SNF8: variants seen among roughly 807,000 people sequenced by gnomAD.
SNF8 encodes the protein SNF8 subunit of ESCRT-II.
In SNF8, 19 loss-of-function variants were observed where a neutral mutation model predicts 36.8. The observed-to-expected ratio is 0.52, with a 90% CI of 0.36 to 0.76. SNF8 has a LOEUF of 0.76. SNF8 is among the 30% of genes least tolerant of loss of function. The probability of loss-of-function intolerance (pLI) is 0.00; values close to 1 mark genes in which losing one functional copy is unlikely to be tolerated. For missense variants in SNF8, 268 were observed against 322.9 expected (o/e 0.83, Z 1.30); for synonymous variants, 127 against 127.4 (o/e 1.00, Z 0.02).
intron 6 of SNF8, 32 bp downstream of exon 6, chr17:48,933,173 G>GCA (rs111817490): frequency 5.4e-5 from 86 of 1,602,064 alleles, no homozygotes; most frequent in Middle Eastern, 4.2e-4. Flanking sequence ...ACTGTCCCTT[G>GCA]CACACACACA....
chr17:48,929,628 T>A lies in SNF8; in HGVS notation c.*847A>T, dbSNP rs1289707120. 1 of 152,224 alleles carries A rather than the reference T, an allele frequency of 6.6e-6. No individual in the cohort carries two copies. The allele number at this position is 152,224 out of a possible 1,614,324, so 9.4% of individuals were successfully genotyped here. On this transcript the variant is annotated 3_prime_UTR_variant, in exon 8 of 8. Transcript: ENST00000502492. Reference sequence around the variant, plus strand: ...CTACACACAGTATGTGCTGCCATTCTGTACTATGCAGTGATACATGAAGGC... The same window carrying A: ...CTACACACAGTATGTGCTGCCATTCAGTACTATGCAGTGATACATGAAGGC...
intron 2 of SNF8, 30 bp downstream of exon 2, chr17:48,943,895 T>A (rs753292316): frequency 1.2e-6 from 2 of 1,609,846 alleles, no homozygotes; most frequent in Non-Finnish European, 8.5e-7. Flanking sequence ...TAGGTCTCCC[T>A]CCCTGCCTGG....
chr17:48,930,550 G>A lies in SNF8; in HGVS notation c.702C>T (p.Tyr234=). ...GGTCAGTGAAGAGAGCTGGCAGCCA[G>A]TAGTGGGCCTCCCCTGGGGCCTGTA... The part of the protein sequence containing the change: ...LDLQAPGEAH[Y]WLPALFTDLY... Residue 234 remains tyrosine, a synonymous_variant, in exon 8 of 8, where the codon TAC becomes TAT. Coordinates refer to ENST00000502492, the MANE Select transcript of SNF8 (RefSeq NM_007241.4). 1 of 1,613,572 alleles carries A rather than the reference G, an allele frequency of 6.2e-7. No homozygotes were observed. The highest frequency in any genetic ancestry group is 8.5e-7 in the Non-Finnish European group (1 of 1,179,990).
At chr17:48,932,461 AC>A (rs1298653105) in intron 6 of SNF8, 5 of 152,162 alleles carry the variant, frequency 3.3e-5, no homozygotes, top group African/African-American at 1.2e-4. Context: ...CATAAAGGAA[AC>A]TGGGCCGGGT....
chr17:48,942,950 C>CT (rs2041052074), intron 2 of SNF8, among the ~76,000 whole-genome samples: 1 of 147,372 alleles, frequency 6.8e-6, no homozygotes, highest in Non-Finnish European at 1.5e-5. Flanking sequence ...ACTGCAACCT[C>CT]TGTCTCCTGG....
rs1410165134 is a variant in SNF8 at position 48,933,280 on chromosome 17, C to T, written c.489G>A (p.Val163=). 2 of 1,614,156 alleles carry T rather than the reference C, an allele frequency of 1.2e-6. No individual in the cohort carries two copies. Among genetic ancestry groups the T allele is most frequent in the Non-Finnish European group, 8.5e-7 (1 of 1,180,030 alleles). ...ALGTGFGIIP[V]GGTYLIQSVP... ...CAGACTGAATGAGGTAAGTGCCGCC[C>T]ACAGGGATGATGCCGAAGCCAGTGC... is the stretch of plus-strand genomic sequence containing the variant. Residue 163 remains valine (V), a synonymous_variant, in exon 6 of 8, where the codon GTG becomes GTA. Coordinates refer to ENST00000502492, the MANE Select transcript of SNF8 (RefSeq NM_007241.4).
At chr17:48,939,458 CT>C (rs528890224) in intron 3 of SNF8, among the ~76,000 whole-genome samples, 386 of 132,652 alleles carry the variant, frequency 2.9e-3, no homozygotes, top group African/African-American at 7.6e-3. Flanking sequence ...TTAGTAATTT[CT>C]TTTTTTTTTT....
intron 3 of SNF8, 92 bp from the exon 4 acceptor site, chr17:48,937,216 A>T: frequency 1.0e-6 from 1 of 976,872 alleles, no homozygotes; most frequent in Non-Finnish European, 1.7e-6. Flanking sequence ...TCATATGGGA[A>T]GTCTTCCCTG....
At chr17:48,936,727 A>G (rs1257521776) in intron 4 of SNF8, 2 of 456,814 alleles carry the variant, frequency 4.4e-6, no homozygotes, top group East Asian at 4.0e-5. Context: ...CACTCCAGAC[A>G]CATCAGACAT....
chr17:48,936,112 C>A, intron 5 of SNF8, 58 bp downstream of exon 5: 3 of 1,226,356 alleles, frequency 2.4e-6, no homozygotes, highest in Non-Finnish European at 3.6e-6. Flanking sequence ...GAAAAGAGTT[C>A]CATCTGAATT....
chr17:48,938,933 T>C (rs2040979262), intron 3 of SNF8, among the ~76,000 whole-genome samples: 1 of 151,150 alleles, frequency 6.6e-6, no homozygotes, highest in Non-Finnish European at 1.5e-5. Flanking sequence ...ATAAATATCG[T>C]TTATGATTGT....
intron 3 of SNF8, among the ~76,000 whole-genome samples, chr17:48,940,169 G>A (rs1196494349): frequency 6.6e-6 from 1 of 150,980 alleles, no homozygotes. Flanking sequence ...AGCCTCCCGA[G>A]TAGCTGGACT....
chr17:48,931,313 C>T (rs1343114080), intron 7 of SNF8, among the ~76,000 whole-genome samples: 2 of 152,232 alleles, frequency 1.3e-5, no homozygotes, highest in East Asian at 1.9e-4. Context: ...TAATAATTCA[C>T]TGTACTAACA....
At chr17:48,941,514 C>T (rs1341219194) in intron 2 of SNF8, among the ~76,000 whole-genome samples, 7 of 152,038 alleles carry the variant, frequency 4.6e-5, no homozygotes. Flanking sequence ...TTACCCCCCC[C>T]AGCCGACAGA....
In SNF8 at chr17:48,935,512, C is replaced by CAAAA. The variant is rs34255720; in HGVS notation, c.422+654_422+657dup. 9.4e-3 allele frequency among the ~76,000 whole-genome samples: 837 copies of CAAAA among 88,944 alleles called. 11 individuals carry two copies. The highest frequency in any genetic ancestry group is 0.029 in the African/African-American group (802 of 27,218). 58.4% of individuals were successfully genotyped at this position (88,944 alleles called of 152,430 possible). On this transcript the variant is annotated intron_variant, in intron 5 of 7. Transcript: ENST00000502492. ...TGGGCGACAGAGTGAGACTCTGTCT[C>CAAAA]AAAAAAAAAAAAAAAAAAATTAGCC...
intron 6 of SNF8, 112 bp downstream of exon 6, chr17:48,933,093 G>T: frequency 2.5e-6 from 3 of 1,178,582 alleles, no homozygotes; most frequent in Non-Finnish European, 3.6e-6. Context: ...TTCATCCACT[G>T]GATAGTCTCA....
chr17:48,941,180 T>C, intron 2 of SNF8, 118 bp from the exon 3 acceptor site: 1 of 1,135,326 alleles, frequency 8.8e-7, no homozygotes. Context: ...TCCCTCAGCC[T>C]ACCATTATGC....
chr17:48,937,172 C>T (rs1174662871), intron 3 of SNF8, 48 bp from the exon 4 acceptor site: 1 of 1,375,416 alleles, frequency 7.3e-7, no homozygotes, highest in Non-Finnish European at 1.0e-6. Context: ...ATTTACATCC[C>T]TTCTTTTCTT....
At chr17:48,936,788 G>A in intron 4 of SNF8, 1 of 575,110 alleles carries the variant, frequency 1.7e-6, no homozygotes, top group Non-Finnish European at 3.1e-6. Flanking sequence ...GTACTGACTA[G>A]GGACTAGACC....
Sources: gnomAD v4.1 joint callset for allele counts (sites outside exome capture counted in the v4.1 genomes callset) on GRCh38, gnomAD v4.1.1 for gene constraint, MANE v1.5 for transcripts, NCBI Gene and HGNC (gene_info 2026-07-23, HGNC 2026-07-21) for gene names.